The following RASGRF2 variants were observed in gnomAD, a reference collection of about 807,000 sequenced individuals.
RASGRF2 encodes ras-specific guanine nucleotide-releasing factor 2.
RASGRF2 carries 76 observed loss-of-function variants against 151.0 expected under a neutral mutation model. That is an observed-to-expected ratio of 0.50 (90% CI 0.42 to 0.61). The LOEUF is 0.61. Ranked by LOEUF, RASGRF2 falls within the 20% of genes least tolerant of loss-of-function variation. RASGRF2 has a pLI of 0.00. For synonymous variants in RASGRF2, 504 were observed against 566.5 expected (o/e 0.89, Z 1.57); for missense variants, 1,148 against 1,564.6 (o/e 0.73, Z 4.49).
At chr5:80,994,999 G>A (rs1473217369) in intron 1 of RASGRF2, among the ~76,000 whole-genome samples, 1 of 152,254 alleles carries the variant, frequency 6.6e-6, no homozygotes, top group East Asian at 1.9e-4. Flanking sequence ...GCTCACACCT[G>A]TAATCCCAGC....
intron 1 of RASGRF2, among the ~76,000 whole-genome samples, chr5:81,037,639 T>C (rs990261520): frequency 3.9e-5 from 6 of 152,184 alleles, no homozygotes; most frequent in Admixed American, 2.6e-4. Flanking sequence ...AAAAGATCAA[T>C]ACAAAATTGT....
At chr5:81,177,004 C>T (rs1214068967) in intron 17 of RASGRF2, among the ~76,000 whole-genome samples, 2 of 152,134 alleles carry the variant, frequency 1.3e-5, no homozygotes, top group Non-Finnish European at 2.9e-5. Context: ...TCTCAGTTCC[C>T]ATCTCCCCAT....
intron 17 of RASGRF2, among the ~76,000 whole-genome samples, chr5:81,173,383 A>G (rs1754703017): frequency 6.6e-6 from 1 of 152,208 alleles, no homozygotes; most frequent in Admixed American, 6.5e-5. Flanking sequence ...GTCTCAAAAA[A>G]ATAAATAAAC....
chr5:81,100,009 G>T (rs1396244715), intron 12 of RASGRF2, among the ~76,000 whole-genome samples: 1 of 148,720 alleles, frequency 6.7e-6, no homozygotes, highest in South Asian at 2.1e-4. Flanking sequence ...CCGGGTTCAC[G>T]CCATTCTCCT....
chr5:81,205,944 T>A (rs1030044556), intron 19 of RASGRF2, among the ~76,000 whole-genome samples: 2 of 152,012 alleles, frequency 1.3e-5, no homozygotes, highest in African/African-American at 4.8e-5. Flanking sequence ...AGAGGCAGGG[T>A]TTCACCGTGT....
intron 1 of RASGRF2, among the ~76,000 whole-genome samples, chr5:80,973,406 C>A (rs200929052): frequency 2.0e-5 from 3 of 152,192 alleles, no homozygotes; most frequent in African/African-American, 7.2e-5. Flanking sequence ...GCTCTTCCTG[C>A]GCCTCCACGT....
At chr5:81,143,746 C>A (rs560738712) in intron 17 of RASGRF2, among the ~76,000 whole-genome samples, 1 of 151,824 alleles carries the variant, frequency 6.6e-6, no homozygotes, top group African/African-American at 2.4e-5. Context: ...AAAAATTAGC[C>A]GGACGTGGTG....
At chr5:81,071,780 A>T (rs1751784473) in intron 4 of RASGRF2, among the ~76,000 whole-genome samples, 1 of 152,114 alleles carries the variant, frequency 6.6e-6, no homozygotes, top group Non-Finnish European at 1.5e-5. Flanking sequence ...ATGTAGTTGC[A>T]TGTAAAGAAA....
intron 1 of RASGRF2, among the ~76,000 whole-genome samples, chr5:81,032,067 C>T (rs1020473433): frequency 6.6e-6 from 1 of 152,090 alleles, no homozygotes; most frequent in African/African-American, 2.4e-5. Flanking sequence ...GGATAAATTC[C>T]TGGACACATA....
chr5:81,065,939 G>C (rs539017779), intron 2 of RASGRF2, among the ~76,000 whole-genome samples: 1 of 152,260 alleles, frequency 6.6e-6, no homozygotes, highest in East Asian at 1.9e-4. Context: ...GCGCAGGGAG[G>C]GGGACGTTGG....
In RASGRF2 at chr5:81,087,260, C is replaced by A. The variant is rs78031355; in HGVS notation, c.1390+307C>A. ...AAGGAGGACCGGTCGGCCTGGCCCACGGCCGTGGCAGTGCCAAGTGCTGAC... is the reference window on the plus strand; with the variant it reads ...AAGGAGGACCGGTCGGCCTGGCCCAAGGCCGTGGCAGTGCCAAGTGCTGAC... On this transcript the variant is annotated intron_variant, in intron 9 of 26. Transcript: ENST00000265080. 16 of 703,080 alleles carry A rather than the reference C, an allele frequency of 2.3e-5. No individual in the cohort carries two copies. In the East Asian group the frequency reaches 4.3e-4, roughly 19 times the overall value. The allele number at this position is 703,080 out of a possible 1,614,324, so 43.6% of individuals were successfully genotyped here. A position where few individuals can be genotyped will look rare whatever the true frequency, so the allele number is the denominator to read the frequency against.
At chr5:81,064,243 C>T (rs1249457644) in intron 2 of RASGRF2, among the ~76,000 whole-genome samples, 1 of 152,158 alleles carries the variant, frequency 6.6e-6, no homozygotes, top group African/African-American at 2.4e-5. Context: ...TGACTCTTGG[C>T]CAGAGGCCTC....
intron 2 of RASGRF2, among the ~76,000 whole-genome samples, chr5:81,055,285 T>C (rs1023307093): frequency 1.3e-5 from 2 of 152,316 alleles, no homozygotes; most frequent in African/African-American, 4.8e-5. Flanking sequence ...GCTCTTATTA[T>C]TTTGAGATAC....
chr5:81,205,075 T>C (rs1302758277), intron 19 of RASGRF2, among the ~76,000 whole-genome samples: 1 of 152,256 alleles, frequency 6.6e-6, no homozygotes, highest in Non-Finnish European at 1.5e-5. Flanking sequence ...TGTAATTTAA[T>C]AGGCTTTGGA....
intron 19 of RASGRF2, 80 bp from the exon 20 acceptor site, chr5:81,206,764 GA>G: frequency 2.3e-6 from 3 of 1,281,688 alleles, no homozygotes; most frequent in Non-Finnish European, 3.4e-6. Flanking sequence ...CCCATCCAGG[GA>G]AAACCAAACT....
At chr5:80,962,428 TG>T (rs1747592896) in intron 1 of RASGRF2, among the ~76,000 whole-genome samples, 1 of 152,004 alleles carries the variant, frequency 6.6e-6, no homozygotes, top group Non-Finnish European at 1.5e-5. Flanking sequence ...ATTCTATTGG[TG>T]GGATTTTTTT....
intron 15 of RASGRF2, among the ~76,000 whole-genome samples, chr5:81,121,381 G>T (rs1753303385): frequency 6.6e-6 from 1 of 152,104 alleles, no homozygotes; most frequent in South Asian, 2.1e-4. Context: ...CCCTATTGAT[G>T]CCATACGTCT....
chr5:80,996,499 TTCTTCC>T (rs1207923891), intron 1 of RASGRF2, among the ~76,000 whole-genome samples: 93 of 79,674 alleles, frequency 1.2e-3, no homozygotes, highest in Middle Eastern at 5.6e-3. Flanking sequence ...CTTCTTCTTC[TTCTTCC>T]TCCTCCTCCT....
intron 6 of RASGRF2, 143 bp from the exon 7 acceptor site, chr5:81,080,453 C>A: frequency 9.5e-7 from 1 of 1,057,010 alleles, no homozygotes; most frequent in Non-Finnish European, 1.4e-6. Flanking sequence ...GTGCATTCTA[C>A]CAGATCATCA....
Sources: allele counts gnomAD v4.1 joint callset (sites outside exome capture counted in the v4.1 genomes callset), GRCh38; gene constraint gnomAD v4.1.1; transcripts MANE v1.5; gene names NCBI Gene and HGNC (gene_info 2026-07-23, HGNC 2026-07-21).